AK2: variants seen among roughly 807,000 people sequenced by gnomAD.
AK2 encodes the protein adenylate kinase 2, mitochondrial.
AK2 carries 15 observed loss-of-function variants against 24.6 expected under a neutral mutation model. That is an observed-to-expected ratio of 0.61 (90% confidence interval 0.41 to 0.94). AK2 has a LOEUF of 0.94. AK2 is among the 40% of genes least tolerant of loss of function. The pLI is 0.00. For missense variants in AK2, 257 were observed against 304.1 expected, an observed-to-expected ratio of 0.85 and a Z score of 1.15; for synonymous variants, 102 against 114.0, an observed-to-expected ratio of 0.90 and a Z score of 0.67.
intron 5 of AK2, 158 bp downstream of exon 5, chr1:33,014,364 A>C: frequency 1.5e-6 from 1 of 645,316 alleles, no homozygotes; most frequent in Non-Finnish European, 2.8e-6. Context: ...AATAGATCTG[A>C]CACAGGCCAT....
intron 4 of AK2, among the ~76,000 whole-genome samples, chr1:33,015,336 G>A (rs1344270025): frequency 6.6e-6 from 1 of 152,204 alleles, no homozygotes; most frequent in Non-Finnish European, 1.5e-5. Flanking sequence ...TGAATGTATA[G>A]TGGGCAGCTG....
chr1:33,022,766 G>A (rs1285883293), intron 2 of AK2, among the ~76,000 whole-genome samples: 1 of 152,176 alleles, frequency 6.6e-6, no homozygotes, highest in Non-Finnish European at 1.5e-5. Flanking sequence ...TCTCCAGCCT[G>A]TAGTGAAGCC....
Position 33,011,781 on chromosome 1 carries a change from G to T in AK2, c.*1400C>A. The T allele has an allele frequency of 6.9e-7, 1 of 1,445,724 alleles. No individual in the cohort carries two copies. The highest frequency in any genetic ancestry group is 9.2e-7 in the Non-Finnish European group (1 of 1,091,282). The allele number at this position is 1,445,724 out of a possible 1,614,324, so 89.6% of individuals were successfully genotyped here. ...TTAGAAAATGCTCAATAGTTGGGAA[G>T]CTAAGGTTATGAATAAAAGCTGGTA... On this transcript the variant is annotated 3_prime_UTR_variant, in exon 6 of 6. Coordinates refer to ENST00000672715, the MANE Select transcript of AK2 (RefSeq NM_001625.4).
At chr1:33,024,265 G>GT in intron 2 of AK2, 177 bp downstream of exon 2, 1 of 861,890 alleles carries the variant, frequency 1.2e-6, no homozygotes, top group Non-Finnish European at 1.8e-6. Flanking sequence ...ATGATGGAAA[G>GT]TTCTGTATCA....
At chr1:33,026,119 T>C (rs1211223333) in intron 1 of AK2, among the ~76,000 whole-genome samples, 2 of 152,242 alleles carry the variant, frequency 1.3e-5, no homozygotes, top group Non-Finnish European at 2.9e-5. Context: ...TTTAGCTTTT[T>C]CCGTTCAATT....
intron 1 of AK2, chr1:33,031,604 T>C: frequency 2.2e-6 from 1 of 456,084 alleles, no homozygotes; most frequent in Non-Finnish European, 4.4e-6. Flanking sequence ...ATGCAAGCTC[T>C]GTAAATTACT....
intron 5 of AK2, 150 bp downstream of exon 5, chr1:33,014,372 C>A: frequency 1.5e-6 from 1 of 663,024 alleles, no homozygotes; most frequent in Non-Finnish European, 2.8e-6. Flanking sequence ...TGACACAGGC[C>A]ATGTGATTTA....
At chr1:33,025,347 T>C (rs1639816017) in intron 1 of AK2, among the ~76,000 whole-genome samples, 1 of 152,132 alleles carries the variant, frequency 6.6e-6, no homozygotes, top group Admixed American at 6.5e-5. Context: ...AATGTACAAT[T>C]GTCATGTACT....
At position 33,010,710 on chromosome 1, in the gene AK2, C is replaced by T. The variant is rs757633294; in HGVS notation, c.*2471G>A. The T allele has an allele frequency of 6.8e-6, 11 of 1,611,548 alleles. No homozygotes were observed. The South Asian group carries it at 1.2e-4, about 18-fold the overall frequency. On this transcript the variant is annotated 3_prime_UTR_variant, in exon 6 of 6. Coordinates refer to ENST00000672715, the MANE Select transcript of AK2 (RefSeq NM_001625.4). ...GTTCCAAGTATTCCTCTGAGCCCCT[C>T]ACCAGCCCTCCCTCACCATCCTCAC...
intron 1 of AK2, among the ~76,000 whole-genome samples, chr1:33,025,852 C>G (rs960961761): frequency 6.6e-6 from 1 of 152,140 alleles, no homozygotes; most frequent in Non-Finnish European, 1.5e-5. Flanking sequence ...TACCATAACC[C>G]CTGTCCTAAT....
intron 4 of AK2, among the ~76,000 whole-genome samples, chr1:33,016,298 G>A (rs1322766412): frequency 6.6e-6 from 1 of 152,066 alleles, no homozygotes; most frequent in Non-Finnish European, 1.5e-5. Context: ...TGCAAGCTCC[G>A]CCTCCTGGGT....
intron 4 of AK2, chr1:33,020,218 C>T (rs1639449389): frequency 1.6e-6 from 2 of 1,241,288 alleles, no homozygotes; most frequent in African/African-American, 1.5e-5. Flanking sequence ...CACACACACA[C>T]ACACACACAC....
intron 5 of AK2, 28 bp downstream of exon 5, chr1:33,014,494 G>A (rs751946600): frequency 1.3e-6 from 2 of 1,590,358 alleles, no homozygotes; most frequent in South Asian, 2.2e-5. Context: ...GGAAAGAAAA[G>A]GAAATTTTTT....
At chr1:33,023,798 A>C (rs192563111) in intron 2 of AK2, among the ~76,000 whole-genome samples, 178 of 152,354 alleles carry the variant, frequency 1.2e-3, no homozygotes, top group African/African-American at 3.8e-3. Flanking sequence ...ATAACAAAAC[A>C]CACCAGCACA....
chr1:33,020,468 C>T (rs929543408), intron 4 of AK2, among the ~76,000 whole-genome samples: 2 of 152,172 alleles, frequency 1.3e-5, no homozygotes, highest in Non-Finnish European at 2.9e-5. Context: ...AATAGCTTCT[C>T]AAAGCAGGTG....
chr1:33,032,009 G>A (rs537873685), intron 1 of AK2: 1 of 206,736 alleles, frequency 4.8e-6, no homozygotes, highest in East Asian at 1.3e-4. Context: ...AAAGTGAGGA[G>A]TTTTAAAAGG....
At chr1:33,024,703 G>A in intron 1 of AK2, 136 bp from the exon 2 acceptor site, 8 of 1,026,252 alleles carry the variant, frequency 7.8e-6, no homozygotes, top group South Asian at 6.8e-5. Context: ...ACCTGTAATG[G>A]GGATAAAAGT....
intron 5 of AK2, 57 bp from the exon 6 acceptor site, chr1:33,013,459 C>T (rs1375797897): frequency 1.3e-6 from 2 of 1,569,324 alleles, no homozygotes; most frequent in African/African-American, 2.7e-5. Context: ...TTTTCTTATT[C>T]CATGCCAGAT....
chr1:33,016,820 C>G (rs1639220695), intron 4 of AK2, among the ~76,000 whole-genome samples: 1 of 151,886 alleles, frequency 6.6e-6, no homozygotes, highest in Non-Finnish European at 1.5e-5. Context: ...ATTCTCCTGC[C>G]TCAGCCTCCT....
Sources: gnomAD v4.1 joint callset for allele counts (sites outside exome capture counted in the v4.1 genomes callset) on GRCh38, gnomAD v4.1.1 for gene constraint, MANE v1.5 for transcripts, NCBI Gene and HGNC (gene_info 2026-07-23, HGNC 2026-07-21) for gene names.